Variants in CCDC85C observed in about 807,000 individuals in gnomAD.
CCDC85C encodes the protein coiled-coil domain-containing protein 85C.
CCDC85C carries 18 observed loss-of-function variants against 38.3 expected under a neutral mutation model. That is an observed-to-expected ratio of 0.47 (90% confidence interval 0.33 to 0.70). The LOEUF (loss-of-function observed/expected upper bound fraction) is 0.70, where lower values mean the gene tolerates loss of function less well. Ranked by LOEUF, CCDC85C falls within the 30% of genes least tolerant of loss-of-function variation. CCDC85C has a pLI of 0.03. For synonymous variants in CCDC85C, 264 were observed against 293.8 expected (o/e 0.90, Z 1.04); for missense variants, 566 against 621.2 (o/e 0.91, Z 0.94).
At chr14:99,562,438 C>A (rs934937093) in intron 1 of CCDC85C, among the ~76,000 whole-genome samples, 1 of 152,218 alleles carries the variant, frequency 6.6e-6, no homozygotes, top group Non-Finnish European at 1.5e-5. Flanking sequence ...ACATCAGGCA[C>A]ATGGTGCATG....
intron 1 of CCDC85C, among the ~76,000 whole-genome samples, chr14:99,560,026 T>C (rs1396408924): frequency 6.7e-6 from 1 of 149,024 alleles, no homozygotes; most frequent in Non-Finnish European, 1.5e-5. Context: ...AAATCAAACC[T>C]GCACCTAGGC....
chr14:99,598,436 G>A (rs1224873064), intron 1 of CCDC85C, among the ~76,000 whole-genome samples: 3 of 152,236 alleles, frequency 2.0e-5, no homozygotes, highest in Admixed American at 1.3e-4. Context: ...GACTGCTGCG[G>A]TGGCAAGCCA....
chr14:99,589,717 G>A (rs1011443321), intron 1 of CCDC85C, among the ~76,000 whole-genome samples: 6 of 151,040 alleles, frequency 4.0e-5, no homozygotes, highest in Non-Finnish European at 7.4e-5. Flanking sequence ...GCAGAGAGGA[G>A]GACAGGCTGC....
At chr14:99,540,146 A>T (rs981700513) in intron 1 of CCDC85C, among the ~76,000 whole-genome samples, 13 of 120,824 alleles carry the variant, frequency 1.1e-4, no homozygotes, top group Non-Finnish European at 1.9e-4. Flanking sequence ...GACTGTCTTT[A>T]AAAAAAAAGG....
rs980519370 is a variant in CCDC85C at position 99,516,664 on chromosome 14, G to A, written c.1072-378C>T. On this transcript the variant is annotated intron_variant, in intron 4 of 5. Transcript: ENST00000380243. The surrounding 1 kb of genome is among the most constrained non-coding windows in gnomAD (Gnocchi z 5.5). ...ATGTGGGATGTCATGGGGCACGTAC[G>A]TAGGAGGAAGGGGGGCATGGGAGTG... Among the ~76,000 whole-genome samples the A allele has an allele frequency of 3.9e-5, 6 of 152,114 alleles. No individual in the cohort carries two copies. The East Asian group carries it at 5.8e-4, about 15-fold the overall frequency.
At position 99,603,702 on chromosome 14, in the gene CCDC85C, C is replaced by G; in HGVS notation, c.258G>C (p.Glu86Asp). The change falls in exon 1 of 6, where the codon GAG becomes GAC. Residue 86 changes from glutamate to aspartate, a missense_variant. Transcript: ENST00000380243. This position sits in a 1 kb window ranked among gnomAD's most constrained non-coding sequence, Gnocchi z 7.5. The part of the protein sequence containing the change: ...RLQDDNQELR[E>D]LCCFLDDDRQ... ...GGTCGTCGTCGAGGAAGCAGCAGAG[C>G]TCGCGCAGCTCCTGGTTGTCGTCCT... The G allele has an allele frequency of 1.3e-6, 2 of 1,514,144 alleles. No individual in the cohort carries two copies. Among genetic ancestry groups the G allele is most frequent in the Non-Finnish European group, 1.8e-6 (2 of 1,135,908 alleles). 93.8% of individuals were successfully genotyped at this position (1,514,144 alleles called of 1,614,324 possible).
chr14:99,591,340 G>A (rs1595106282), intron 1 of CCDC85C, among the ~76,000 whole-genome samples: 1 of 152,236 alleles, frequency 6.6e-6, no homozygotes, highest in African/African-American at 2.4e-5. Flanking sequence ...ACATGCGCCC[G>A]CTCAAGGCTA....
chr14:99,603,141 C>A lies in CCDC85C; in HGVS notation c.793+26G>T. The A allele has an allele frequency of 7.7e-7, 1 of 1,304,108 alleles. No homozygotes were observed. Among genetic ancestry groups the A allele is most frequent in the Non-Finnish European group, 9.7e-7 (1 of 1,026,202 alleles). 80.8% of individuals were successfully genotyped at this position (1,304,108 alleles called of 1,614,324 possible). A position where few individuals can be genotyped will look rare whatever the true frequency, so the allele number is the denominator to read the frequency against. On this transcript the variant is annotated intron_variant, in intron 1 of 5. Transcript: ENST00000380243. The surrounding 1 kb of genome is among the most constrained non-coding windows in gnomAD (Gnocchi z 7.5). Reference sequence around the variant, plus strand: ...AAAGGGCTGCAGCCAGGGAGACCCGCGCTGCCCGGCCCGTGTAGTCCTTAC... The same window carrying A: ...AAAGGGCTGCAGCCAGGGAGACCCGAGCTGCCCGGCCCGTGTAGTCCTTAC...
rs1230438463 is a variant in CCDC85C at position 99,569,527 on chromosome 14, T to C, written c.794-33439A>G. ...CCAAACCCACAGCCACAAAAACCAA[T>C]GCCACCTACCCAGGAAGGCTTTGAA... On this transcript the variant is annotated intron_variant, in intron 1 of 5. Coordinates refer to ENST00000380243, the MANE Select transcript of CCDC85C (RefSeq NM_001144995.2). This position sits in a 1 kb window ranked among gnomAD's most constrained non-coding sequence, Gnocchi z 4.3. Among the ~76,000 whole-genome samples the C allele has an allele frequency of 6.6e-6, 1 of 152,084 alleles. No individual in the cohort carries two copies. Among genetic ancestry groups the C allele is most frequent in the Non-Finnish European group, 1.5e-5 (1 of 68,020 alleles).
At chr14:99,559,520 T>A (rs8019472) in intron 1 of CCDC85C, among the ~76,000 whole-genome samples, 87,856 of 151,976 alleles carry the variant, frequency 0.58, 26,063 homozygotes, top group African/African-American at 0.72. Context: ...CCTGTGCAAC[T>A]TTCTGCCTCA....
intron 1 of CCDC85C, among the ~76,000 whole-genome samples, chr14:99,550,842 C>T (rs559208411): frequency 1.3e-5 from 2 of 152,188 alleles, no homozygotes; most frequent in African/African-American, 4.8e-5. Context: ...ACCATGGGGA[C>T]AGCGGTACCA....
In CCDC85C at chr14:99,509,256, T is replaced by G. The variant is rs1462455939; in HGVS notation, c.*5990A>C. 6.6e-6 allele frequency: 1 copy of G among 152,292 alleles called. No homozygotes were observed. Among genetic ancestry groups the G allele is most frequent in the Non-Finnish European group, 1.5e-5 (1 of 68,064 alleles). The allele number at this position is 152,292 out of a possible 1,614,324, so 9.4% of individuals were successfully genotyped here. A position where few individuals can be genotyped will look rare whatever the true frequency, so the allele number is the denominator to read the frequency against. On this transcript the variant is annotated 3_prime_UTR_variant, in exon 6 of 6. Coordinates refer to ENST00000380243, the MANE Select transcript of CCDC85C (RefSeq NM_001144995.2). ...CCTGTGGTCTGTCTCCTGGGCTGCC[T>G]TGGGAAAGGACACTCATTCTGTGTG...
chr14:99,584,006 G>A (rs960533774), intron 1 of CCDC85C, among the ~76,000 whole-genome samples: 1 of 152,006 alleles, frequency 6.6e-6, no homozygotes, highest in Non-Finnish European at 1.5e-5. Context: ...GTCACCATTG[G>A]GGGAAGCTGG....
intron 1 of CCDC85C, among the ~76,000 whole-genome samples, chr14:99,573,319 G>T (rs548499046): frequency 6.6e-5 from 10 of 152,184 alleles, no homozygotes; most frequent in Non-Finnish European, 1.0e-4. Flanking sequence ...TGCATGGGTC[G>T]AGGTGCTCAT....
Position 99,535,686 on chromosome 14 carries a change from C to T in CCDC85C, c.867+329G>A, listed in dbSNP as rs1050004374. On this transcript the variant is annotated intron_variant, in intron 2 of 5. Transcript: ENST00000380243. This position sits in a 1 kb window ranked among gnomAD's most constrained non-coding sequence, Gnocchi z 5.5. Reference sequence around the variant, plus strand: ...CGGGGAGGCTTCCGTGTGAGTCTGCCCCATCTCCTGCCTGGATCTGCCCAT... The same window carrying T: ...CGGGGAGGCTTCCGTGTGAGTCTGCTCCATCTCCTGCCTGGATCTGCCCAT... 2.7e-5 allele frequency among the ~76,000 whole-genome samples: 4 copies of T among 146,880 alleles called. No homozygotes were observed. Among genetic ancestry groups the T allele is most frequent in the African/African-American group, 1.1e-4 (4 of 36,464 alleles).
rs1054004568 is a variant in CCDC85C at position 99,572,222 on chromosome 14, G to A, written c.793+30945C>T. 4.6e-5 allele frequency among the ~76,000 whole-genome samples: 7 copies of A among 152,160 alleles called. No individual in the cohort carries two copies. The highest frequency in any genetic ancestry group is 9.7e-5 in the African/African-American group (4 of 41,424). On this transcript the variant is annotated intron_variant, in intron 1 of 5. Coordinates refer to ENST00000380243, the MANE Select transcript of CCDC85C (RefSeq NM_001144995.2). This position sits in a 1 kb window ranked among gnomAD's most constrained non-coding sequence, Gnocchi z 4.4. ...CTTCAGTGGCCCTGGCCCCAGCAGC[G>A]TTAGTGAATGGCCAGGCTGTGGCCC...
chr14:99,598,751 C>T (rs1040092754), intron 1 of CCDC85C, among the ~76,000 whole-genome samples: 2 of 152,168 alleles, frequency 1.3e-5, no homozygotes, highest in African/African-American at 4.8e-5. Flanking sequence ...AGCAAGTCAC[C>T]GCACCACCAC....
chr14:99,527,130 G>A (rs561753104), intron 2 of CCDC85C, among the ~76,000 whole-genome samples: 2 of 152,366 alleles, frequency 1.3e-5, no homozygotes, highest in South Asian at 4.1e-4. Context: ...TTGTTCCCAC[G>A]AGGGCACGCA....
chr14:99,570,246 G>C (rs1898309319), intron 1 of CCDC85C, among the ~76,000 whole-genome samples: 1 of 152,248 alleles, frequency 6.6e-6, no homozygotes, highest in Non-Finnish European at 1.5e-5. Context: ...AAGAGGCACA[G>C]AGAAGTTCAC....
Sources: allele counts gnomAD v4.1 joint callset (sites outside exome capture counted in the v4.1 genomes callset), GRCh38; gene constraint gnomAD v4.1.1; non-coding constraint Gnocchi (gnomAD v3.1); transcripts MANE v1.5; gene names NCBI Gene and HGNC (gene_info 2026-07-23, HGNC 2026-07-21).